Variants in RSRC2 observed in about 807,000 individuals in gnomAD.
The protein encoded by RSRC2 is arginine/serine-rich coiled-coil protein 2.
In RSRC2, 5 loss-of-function variants were observed where a neutral mutation model predicts 61.3. The observed-to-expected ratio is 0.08, with a 90% CI of 0.04 to 0.17. RSRC2 has a LOEUF of 0.17. Among genes scored for constraint, RSRC2 ranks in the 10% least tolerant of loss-of-function variants. The probability of loss-of-function intolerance (pLI) is 1.00; values close to 1 mark genes in which losing one functional copy is unlikely to be tolerated. For synonymous variants in RSRC2, 202 were observed against 166.5 expected (o/e 1.21, Z -1.64); for missense variants, 381 against 518.8 (o/e 0.73, Z 2.58).
intron 8 of RSRC2, chr12:122,507,399 A>T (rs897653951): frequency 6.4e-6 from 1 of 155,210 alleles, no homozygotes; most frequent in Non-Finnish European, 1.4e-5. Flanking sequence ...AATAAAAATA[A>T]AATAAAAAAA....
intron 4 of RSRC2, 112 bp downstream of exon 4, chr12:122,518,727 C>T: frequency 1.1e-6 from 1 of 875,934 alleles, no homozygotes; most frequent in Non-Finnish European, 1.8e-6. Context: ...CAAACCCAAA[C>T]AAACGAACAA....
chr12:122,506,630 C>T, intron 9 of RSRC2: 1 of 501,580 alleles, frequency 2.0e-6, no homozygotes, highest in South Asian at 2.8e-5. Flanking sequence ...CTCTCTCTCT[C>T]CAAGTGTGTG....
rs1243101213 is a variant in RSRC2, at chr12:122,505,494, TA to T, written c.*32del. ...GGACGTGACATCAGAACAAGAAGTC[TA>T]TAAGTCCCAAACTTTACAAGTGTGA... On this transcript the variant is annotated 3_prime_UTR_variant, in exon 10 of 10. Transcript: ENST00000331738. 6.3e-7 allele frequency: 1 copy of T among 1,599,802 alleles called. No homozygotes were observed. The highest frequency in any genetic ancestry group is 8.5e-7 in the Non-Finnish European group (1 of 1,169,970).
chr12:122,505,851 T>C, intron 9 of RSRC2, 145 bp from the exon 10 acceptor site: 1 of 645,486 alleles, frequency 1.5e-6, no homozygotes, highest in Non-Finnish European at 2.6e-6. Flanking sequence ...CCATCTCGGC[T>C]CACTGCAACC....
At chr12:122,519,661 G>A (rs1959168584) in intron 3 of RSRC2, 1 of 152,492 alleles carries the variant, frequency 6.6e-6, no homozygotes, top group Non-Finnish European at 1.5e-5. Flanking sequence ...TACACTTCAT[G>A]TACCTAGGGT....
chr12:122,524,990 CT>C (rs1272514929), intron 1 of RSRC2, among the ~76,000 whole-genome samples: 2 of 152,236 alleles, frequency 1.3e-5, no homozygotes, highest in East Asian at 3.9e-4. Flanking sequence ...GAGGTAAGCA[CT>C]GGATTGAATA....
chr12:122,510,101 A>G (rs1958385234), intron 7 of RSRC2, among the ~76,000 whole-genome samples: 1 of 152,210 alleles, frequency 6.6e-6, no homozygotes, highest in African/African-American at 2.4e-5. Context: ...GGATTACAGA[A>G]GTGAGTCACT....
intron 2 of RSRC2, 105 bp downstream of exon 2, chr12:122,522,038 C>T (rs1959270285): frequency 2.5e-6 from 3 of 1,204,534 alleles, no homozygotes; most frequent in South Asian, 1.6e-5. Flanking sequence ...CAGGCTTGAG[C>T]CACCATGCCC....
In RSRC2 at chr12:122,526,905, G is replaced by A. The variant is rs758157232; in HGVS notation, c.-52C>T. The A allele has an allele frequency of 3.0e-5, 48 of 1,610,292 alleles. 2 individuals are homozygous for A. Among genetic ancestry groups the A allele is most frequent in the Admixed American group, 1.3e-4 (8 of 59,978 alleles). ...GCGCCTCCACTTGTCGCTTTCAACAGTACCGGCCGCTCCGAAGCTTCGCCT... is the reference window on the plus strand; with the variant it reads ...GCGCCTCCACTTGTCGCTTTCAACAATACCGGCCGCTCCGAAGCTTCGCCT... On this transcript the variant is annotated 5_prime_UTR_variant, in exon 1 of 10. Coordinates refer to ENST00000331738, the MANE Select transcript of RSRC2 (RefSeq NM_023012.6).
chr12:122,514,960 AT>A lies in RSRC2; in HGVS notation c.725+144del, dbSNP rs1958798908. The A allele has an allele frequency of 4.4e-6, 4 of 904,586 alleles. No individual in the cohort carries two copies. The East Asian group carries it at 1.0e-4, about 23-fold the overall frequency. 56.0% of individuals were successfully genotyped at this position (904,586 alleles called of 1,614,324 possible). A position where few individuals can be genotyped will look rare whatever the true frequency, so the allele number is the denominator to read the frequency against. ...AAATGTTTAGGATGAGAATTAAACT[AT>A]TTACATAGTTCTAGATCACAAATAT... On this transcript the variant is annotated intron_variant, in intron 6 of 9. Transcript: ENST00000331738.
At chr12:122,507,247 T>TG (rs1958169856) in intron 8 of RSRC2, 2 of 333,482 alleles carry the variant, frequency 6.0e-6, no homozygotes, top group East Asian at 1.6e-4. Context: ...GGCATGGTGG[T>TG]GGGCACCTGT....
At chr12:122,514,333 T>C (rs1168879264) in intron 6 of RSRC2, among the ~76,000 whole-genome samples, 1 of 151,144 alleles carries the variant, frequency 6.6e-6, no homozygotes, top group East Asian at 1.9e-4. Context: ...GGTGCGATCT[T>C]GGCTTACTGC....
intron 6 of RSRC2, among the ~76,000 whole-genome samples, chr12:122,513,260 T>TA (rs925280985): frequency 6.8e-6 from 1 of 146,878 alleles, no homozygotes; most frequent in Non-Finnish European, 1.5e-5. Flanking sequence ...AAAATAAAAA[T>TA]AAAAAATAAA....
intron 6 of RSRC2, among the ~76,000 whole-genome samples, chr12:122,514,127 T>C (rs556001406): frequency 5.3e-5 from 8 of 152,124 alleles, no homozygotes; most frequent in Admixed American, 2.0e-4. Context: ...AGTGCTTGGA[T>C]TTTATTTTAC....
intron 7 of RSRC2, among the ~76,000 whole-genome samples, 195 bp downstream of exon 7, chr12:122,510,914 G>A (rs556638193): frequency 1.8e-5 from 1 of 56,152 alleles, no homozygotes; most frequent in South Asian, 6.4e-4. Flanking sequence ...CATGCATGGT[G>A]ATGTGGGACC....
chr12:122,520,795 C>CT (rs150075557), intron 3 of RSRC2: 5 of 328,590 alleles, frequency 1.5e-5, no homozygotes, highest in South Asian at 4.8e-5. Context: ...TTGGCTCATT[C>CT]TTTGTCTTCT....
intron 7 of RSRC2, among the ~76,000 whole-genome samples, chr12:122,509,957 G>A (rs1379170860): frequency 6.6e-6 from 1 of 152,090 alleles, no homozygotes; most frequent in Non-Finnish European, 1.5e-5. Context: ...GAGTAGCTGG[G>A]ACTATAGGCA....
chr12:122,517,282 T>C lies in RSRC2; in HGVS notation c.547A>G (p.Arg183Gly). Residue 183 changes from arginine (R) to glycine (G), a missense_variant, in exon 5 of 10, where the codon AGA becomes GGA. Coordinates refer to ENST00000331738, the MANE Select transcript of RSRC2 (RefSeq NM_023012.6). ...CTAGTCCTATGCCTGTGTCTTGATC[T>C]TGAGCGGGAACGAGACCTGATCCGC... ...KRRIRSRSRS[R>G]SRHRHRTRSR... 1 of 1,614,158 alleles carries C rather than the reference T, an allele frequency of 6.2e-7. No individual in the cohort carries two copies. The highest frequency in any genetic ancestry group is 8.5e-7 in the Non-Finnish European group (1 of 1,180,030).
In RSRC2 at chr12:122,522,123, C is replaced by G; in HGVS notation, c.163+20G>C. Reference sequence around the variant, plus strand: ...CTTATACAAATGCTGAGAGTTGTAACCACCTTTAAGAATTCATACCTGACT... The same window carrying G: ...CTTATACAAATGCTGAGAGTTGTAAGCACCTTTAAGAATTCATACCTGACT... On this transcript the variant is annotated intron_variant, in intron 2 of 9. Transcript: ENST00000331738. The G allele has an allele frequency of 1.9e-6, 3 of 1,600,158 alleles. No homozygotes were observed. Among genetic ancestry groups the G allele is most frequent in the Non-Finnish European group, 1.7e-6 (2 of 1,174,180 alleles).
Sources: gnomAD v4.1 joint callset for allele counts (sites outside exome capture counted in the v4.1 genomes callset) on GRCh38, gnomAD v4.1.1 for gene constraint, MANE v1.5 for transcripts, NCBI Gene and HGNC (gene_info 2026-07-23, HGNC 2026-07-21) for gene names.